The following CTNND2 variants were observed in gnomAD, a reference collection of about 807,000 sequenced individuals.
CTNND2 encodes catenin delta 2, also known as catenin delta-2.
A neutral mutation model predicts 144.4 loss-of-function variants in CTNND2; 22 were observed. That is an observed-to-expected ratio of 0.15 (90% confidence interval 0.11 to 0.22). The LOEUF is 0.22. Ranked by LOEUF, CTNND2 falls within the 10% of genes least tolerant of loss-of-function variation. The probability of loss-of-function intolerance (pLI) is 1.00; values close to 1 mark genes in which losing one functional copy is unlikely to be tolerated. For missense variants in CTNND2, 1,353 were observed against 1,618.8 expected, an observed-to-expected ratio of 0.84 and a Z score of 2.82; for synonymous variants, 751 against 695.6, an observed-to-expected ratio of 1.08 and a Z score of -1.25.
At chr5:11,687,542 A>G (rs971575797) in intron 2 of CTNND2, among the ~76,000 whole-genome samples, 1 of 152,338 alleles carries the variant, frequency 6.6e-6, no homozygotes, top group Admixed American at 6.5e-5. Context: ...CTGCTGTGAT[A>G]TGGAGGAGGT....
intron 3 of CTNND2, among the ~76,000 whole-genome samples, chr5:11,530,892 AG>A (rs1773691152): frequency 6.6e-6 from 1 of 152,200 alleles, no homozygotes; most frequent in Non-Finnish European, 1.5e-5. Context: ...CCAAGCCTAC[AG>A]TAAAAAATAA....
chr5:11,027,475 T>G (rs1300506749), intron 16 of CTNND2, among the ~76,000 whole-genome samples: 1 of 152,034 alleles, frequency 6.6e-6, no homozygotes, highest in Non-Finnish European at 1.5e-5. Flanking sequence ...TAACAATGAC[T>G]ATATGTCTGA....
chr5:11,633,778 A>AG (rs1327792231), intron 2 of CTNND2, among the ~76,000 whole-genome samples: 1 of 139,378 alleles, frequency 7.2e-6, no homozygotes, highest in Non-Finnish European at 1.5e-5. Flanking sequence ...ACTGTCTCAA[A>AG]AAAAAAAAAA....
chr5:11,207,875 G>T (rs1408147450), intron 10 of CTNND2, among the ~76,000 whole-genome samples: 1 of 152,144 alleles, frequency 6.6e-6, no homozygotes, highest in Non-Finnish European at 1.5e-5. Context: ...GGGTGTGATG[G>T]TCAATAGAGT....
chr5:11,311,993 TGC>T (rs1750967668), intron 9 of CTNND2, among the ~76,000 whole-genome samples: 4 of 122,928 alleles, frequency 3.3e-5, no homozygotes, highest in South Asian at 5.7e-4. Flanking sequence ...TACCCATATA[TGC>T]ACCCCACACA....
At chr5:11,657,406 TGTA>T (rs1782969677) in intron 2 of CTNND2, among the ~76,000 whole-genome samples, 1 of 152,132 alleles carries the variant, frequency 6.6e-6, no homozygotes, top group Non-Finnish European at 1.5e-5. Flanking sequence ...CTAACATCTT[TGTA>T]TTTAGCTATC....
chr5:11,821,336 A>G (rs1793295915), intron 1 of CTNND2, among the ~76,000 whole-genome samples: 1 of 152,170 alleles, frequency 6.6e-6, no homozygotes, highest in South Asian at 2.1e-4. Flanking sequence ...ACTTACTCTG[A>G]AAGCACCAAC....
rs79612497 is a variant in CTNND2, at chr5:11,849,025, G to A, written c.37+54792C>T. Among the ~76,000 whole-genome samples, 1,213 of 152,228 alleles carry A rather than the reference G, an allele frequency of 8.0e-3. 8 individuals carry two copies. Among genetic ancestry groups the A allele is most frequent in the African/African-American group, 0.023 (969 of 41,522 alleles). ...GAAGAAAGCAGAACTAATAGACAGT[G>A]TATTGGTCCATTTTCAGGGTACTAA... On this transcript the variant is annotated intron_variant, in intron 1 of 21. Coordinates refer to ENST00000304623, the MANE Select transcript of CTNND2 (RefSeq NM_001332.4).
chr5:11,574,654 T>G (rs1382160258), intron 2 of CTNND2, among the ~76,000 whole-genome samples: 1 of 152,186 alleles, frequency 6.6e-6, no homozygotes, highest in Non-Finnish European at 1.5e-5. Flanking sequence ...ACTGTTCAAG[T>G]TCACACTACA....
At chr5:11,318,994 G>T (rs1308256211) in intron 9 of CTNND2, among the ~76,000 whole-genome samples, 1 of 151,982 alleles carries the variant, frequency 6.6e-6, no homozygotes, top group East Asian at 1.9e-4. Flanking sequence ...TAAGCATGCT[G>T]TATATTTAAC....
chr5:11,279,483 G>T (rs372661479), intron 9 of CTNND2, among the ~76,000 whole-genome samples: 1 of 151,832 alleles, frequency 6.6e-6, no homozygotes, highest in South Asian at 2.1e-4. Flanking sequence ...CCTCCCAATT[G>T]GTCTTCCTGC....
chr5:11,111,532 A>C (rs1023233659), intron 13 of CTNND2, among the ~76,000 whole-genome samples: 3 of 152,196 alleles, frequency 2.0e-5, no homozygotes, highest in African/African-American at 7.2e-5. Context: ...TTGTCCCAGG[A>C]AAGTGAGGGG....
intron 3 of CTNND2, among the ~76,000 whole-genome samples, chr5:11,485,588 G>A (rs1423059537): frequency 6.6e-6 from 1 of 152,138 alleles, no homozygotes; most frequent in Non-Finnish European, 1.5e-5. Context: ...GGAACACAAG[G>A]TGTCCAGATA....
rs995726508 is a variant in CTNND2, at chr5:11,904,135, C to A, written c.-282G>T. ...CGCGGGCTCCACGGGCTCCTGCGGG[C>A]TCCTCGGGGCTCCGGGCGCCGCCGC... On this transcript the variant is annotated 5_prime_UTR_variant, in exon 1 of 22. Coordinates refer to ENST00000304623, the MANE Select transcript of CTNND2 (RefSeq NM_001332.4). The surrounding 1 kb of genome is among the most constrained non-coding windows in gnomAD (Gnocchi z 4.2). The A allele has an allele frequency of 1.4e-5, 2 of 146,568 alleles. No individual in the cohort carries two copies. 9.1% of individuals were successfully genotyped at this position (146,568 alleles called of 1,614,324 possible). A position where few individuals can be genotyped will look rare whatever the true frequency, so the allele number is the denominator to read the frequency against.
Position 11,060,405 on chromosome 5 carries a change from T to TAC in CTNND2, c.2788+22289_2788+22290dup, listed in dbSNP as rs3032070. Among the ~76,000 whole-genome samples the TAC allele has an allele frequency of 6.2e-4, 94 of 151,790 alleles. No homozygotes were observed. In the East Asian group the frequency reaches 0.014, roughly 23 times the overall value. The stretch of plus-strand genomic sequence containing the variant: ...CAGAAGCCATATAGTAAAGGATGAC[T>TAC]ACACACACACACACAAATTACCTGA... On this transcript the variant is annotated intron_variant, in intron 16 of 21. Transcript: ENST00000304623.
intron 1 of CTNND2, among the ~76,000 whole-genome samples, chr5:11,755,920 G>A (rs534804655): frequency 3.3e-5 from 5 of 151,410 alleles, no homozygotes; most frequent in Admixed American, 2.0e-4. Flanking sequence ...CTATGTTCCT[G>A]TTCTGAATTT....
chr5:11,717,617 A>G (rs1786427196), intron 2 of CTNND2, among the ~76,000 whole-genome samples: 3 of 152,026 alleles, frequency 2.0e-5, no homozygotes, highest in Admixed American at 2.0e-4. Context: ...GGTAATTTAT[A>G]AAGGAAAGAG....
At chr5:11,244,682 G>A (rs1464052619) in intron 9 of CTNND2, among the ~76,000 whole-genome samples, 1 of 152,116 alleles carries the variant, frequency 6.6e-6, no homozygotes. Context: ...TAAGCTCAAC[G>A]GTTATACCAT....
chr5:11,669,724 A>C (rs570175439), intron 2 of CTNND2, among the ~76,000 whole-genome samples: 2 of 149,342 alleles, frequency 1.3e-5, no homozygotes, highest in East Asian at 2.0e-4. Context: ...TTTTTTTTTG[A>C]AGGGTATTTT....
Sources: gnomAD v4.1 joint callset for allele counts (sites outside exome capture counted in the v4.1 genomes callset) on GRCh38, gnomAD v4.1.1 for gene constraint, Gnocchi (gnomAD v3.1) non-coding constraint, MANE v1.5 for transcripts, NCBI Gene and HGNC (gene_info 2026-07-23, HGNC 2026-07-21) for gene names.